ADAMTS9: variants seen among roughly 807,000 people sequenced by gnomAD.
The protein encoded by ADAMTS9 is ADAM metallopeptidase with thrombospondin type 1 motif 9.
Under a neutral mutation model 257.1 loss-of-function variants are expected in ADAMTS9, and 107 were observed. The observed-to-expected ratio is 0.42, with a 90% CI of 0.36 to 0.49. The LOEUF is 0.49. Ranked by LOEUF, ADAMTS9 falls within the 20% of genes least tolerant of loss-of-function variation. ADAMTS9 has a pLI of 0.03. For synonymous variants in ADAMTS9, 982 were observed against 880.9 expected, an observed-to-expected ratio of 1.11 and a Z score of -2.03; for missense variants, 2,353 against 2,469.1, an observed-to-expected ratio of 0.95 and a Z score of 1.00.
At position 64,596,919 on chromosome 3, in the gene ADAMTS9, T is replaced by C; in HGVS notation, c.4090A>G (p.Asn1364Asp). ...GGTTTTATTCTCTCCACACAGTCGT[T>C]TGCGGTGTATCCATTTTCATCCTGA... ...VCQDENGYTANDCVERIKPDE... is the reference protein window; with the variant it reads ...VCQDENGYTADDCVERIKPDE... The change falls in exon 27 of 40, where the codon AAC becomes GAC. Residue 1364 changes from asparagine to aspartate, a missense_variant. Transcript: ENST00000498707. 1 of 1,610,168 alleles carries C rather than the reference T, an allele frequency of 6.2e-7. No homozygotes were observed. Among genetic ancestry groups the C allele is most frequent in the Non-Finnish European group, 8.5e-7 (1 of 1,177,838 alleles).
intron 30 of ADAMTS9, chr3:64,561,361 T>A: frequency 2.0e-5 from 6 of 303,102 alleles, no homozygotes; most frequent in East Asian, 6.1e-5. Flanking sequence ...CTTGGAACAC[T>A]CAGGAATACA....
intron 31 of ADAMTS9, among the ~76,000 whole-genome samples, chr3:64,547,491 T>C (rs2083217014): frequency 6.6e-6 from 1 of 150,582 alleles, no homozygotes; most frequent in African/African-American, 2.4e-5. Context: ...TTCTTTCTCC[T>C]ATCTCTCTCC....
At chr3:64,653,099 C>T (rs1209702198) in intron 8 of ADAMTS9, among the ~76,000 whole-genome samples, 1 of 152,138 alleles carries the variant, frequency 6.6e-6, no homozygotes, top group Non-Finnish European at 1.5e-5. Flanking sequence ...CTTCTGGTCC[C>T]AAGCATTTGG....
chr3:64,600,442 C>T (rs2084439226), intron 26 of ADAMTS9, among the ~76,000 whole-genome samples: 1 of 152,202 alleles, frequency 6.6e-6, no homozygotes, highest in African/African-American at 2.4e-5. Context: ...ACCTAATCCT[C>T]CCTAATTGGG....
At position 64,596,908 on chromosome 3, in the gene ADAMTS9, C is replaced by T. The variant is rs745398299; in HGVS notation, c.4101G>A (p.Val1367=). 3 of 1,614,012 alleles carry T rather than the reference C, an allele frequency of 1.9e-6. No individual in the cohort carries two copies. The highest frequency in any genetic ancestry group is 2.5e-6 in the Non-Finnish European group (3 of 1,179,978). ...DENGYTANDC[V]ERIKPDEQRA... ...TTTGCTCATCAGGTTTTATTCTCTC[C>T]ACACAGTCGTTTGCGGTGTATCCAT... The change falls in exon 27 of 40, where the codon GTG becomes GTA. Residue 1367 remains valine, a synonymous_variant. Coordinates refer to ENST00000498707, the MANE Select transcript of ADAMTS9 (RefSeq NM_182920.2).
In ADAMTS9 at chr3:64,687,150, G is replaced by A. The variant is rs1328227972; in HGVS notation, c.116-182C>T. ...ACTATGTGCCAGTAACAGGACCTGT[G>A]CTAGGTGCTGAGGATACACTATTCC... On this transcript the variant is annotated intron_variant, in intron 1 of 39. Transcript: ENST00000498707. The surrounding 1 kb of genome is among the most constrained non-coding windows in gnomAD (Gnocchi z 4.4). Among the ~76,000 whole-genome samples the A allele has an allele frequency of 6.6e-6, 1 of 152,184 alleles. No homozygotes were observed. Among genetic ancestry groups the A allele is most frequent in the Non-Finnish European group, 1.5e-5 (1 of 68,042 alleles).
At chr3:64,618,262 C>G (rs571016648) in intron 19 of ADAMTS9, among the ~76,000 whole-genome samples, 1 of 152,134 alleles carries the variant, frequency 6.6e-6, no homozygotes, top group East Asian at 1.9e-4. Flanking sequence ...AATCCCTTTA[C>G]CTTTTCTTTA....
intron 39 of ADAMTS9, among the ~76,000 whole-genome samples, chr3:64,521,049 T>C (rs1010300742): frequency 6.6e-6 from 1 of 152,122 alleles, no homozygotes; most frequent in African/African-American, 2.4e-5. Context: ...CCTATACATT[T>C]GATAAAGGAA....
At chr3:64,583,030 T>C (rs2106751644) in intron 28 of ADAMTS9, 1 of 152,354 alleles carries the variant, frequency 6.6e-6, no homozygotes, top group East Asian at 1.9e-4. Flanking sequence ...AATCTCTATA[T>C]ATGAACTATC....
chr3:64,678,691 C>T (rs1376230568), intron 3 of ADAMTS9, among the ~76,000 whole-genome samples: 1 of 152,202 alleles, frequency 6.6e-6, no homozygotes, highest in Non-Finnish European at 1.5e-5. Flanking sequence ...ACTACTCCCA[C>T]CTCAACCTAC....
At chr3:64,650,132 T>G (rs1576160230) in intron 9 of ADAMTS9, 8 of 176,038 alleles carry the variant, frequency 4.5e-5, no homozygotes, top group Non-Finnish European at 6.0e-5. Flanking sequence ...CACAGGGCCC[T>G]GTCCATGACA....
At chr3:64,610,703 G>C (rs554463555) in intron 22 of ADAMTS9, among the ~76,000 whole-genome samples, 1 of 152,212 alleles carries the variant, frequency 6.6e-6, no homozygotes, top group South Asian at 2.1e-4. Context: ...AGGATGTGGA[G>C]AGAATGGAAC....
rs549246751 is a variant in ADAMTS9, at chr3:64,522,499, A to G, written c.5719-239T>C. ...GCTAAGGATGATTTTTATATTTTTA[A>G]ATAATTGAGAAAAAGTAAACCAAAA... On this transcript the variant is annotated intron_variant, in intron 38 of 39. Transcript: ENST00000498707. 11 of 352,902 alleles carry G rather than the reference A, an allele frequency of 3.1e-5. No individual in the cohort carries two copies. The South Asian group carries it at 8.3e-4, about 27-fold the overall frequency. 21.9% of individuals were successfully genotyped at this position (352,902 alleles called of 1,614,324 possible).
At chr3:64,643,209 A>G (rs2106926216) in intron 11 of ADAMTS9, among the ~76,000 whole-genome samples, 1 of 152,260 alleles carries the variant, frequency 6.6e-6, no homozygotes, top group South Asian at 2.1e-4. Flanking sequence ...TTGTCTTTAC[A>G]GTGGTTGTGA....
chr3:64,662,364 A>C (rs886571739), intron 3 of ADAMTS9, among the ~76,000 whole-genome samples: 7 of 152,114 alleles, frequency 4.6e-5, no homozygotes, highest in Non-Finnish European at 1.0e-4. Flanking sequence ...TGTTCACCTC[A>C]GAATACTCTG....
chr3:64,640,594 G>A (rs1700612753), intron 12 of ADAMTS9, among the ~76,000 whole-genome samples: 1 of 152,172 alleles, frequency 6.6e-6, no homozygotes, highest in African/African-American at 2.4e-5. Flanking sequence ...AGCAGCTGGG[G>A]TCTTAAAAAT....
intron 2 of ADAMTS9, among the ~76,000 whole-genome samples, chr3:64,684,488 G>A (rs1701843762): frequency 1.3e-5 from 2 of 152,174 alleles, no homozygotes; most frequent in South Asian, 4.1e-4. Flanking sequence ...ACATCTTGAT[G>A]CCACTGCTGC....
chr3:64,658,416 T>A, intron 4 of ADAMTS9, 86 bp downstream of exon 4: 1 of 1,367,792 alleles, frequency 7.3e-7, no homozygotes, highest in Non-Finnish European at 1.0e-6. Flanking sequence ...CAGTTCTGAA[T>A]GGTCCTCCAA....
chr3:64,660,586 A>G (rs1327151761), intron 3 of ADAMTS9, among the ~76,000 whole-genome samples: 4 of 152,202 alleles, frequency 2.6e-5, no homozygotes, highest in African/African-American at 9.7e-5. Flanking sequence ...GGGGCTGGAA[A>G]TCATCCTTTA....
Sources: allele counts gnomAD v4.1 joint callset (sites outside exome capture counted in the v4.1 genomes callset), GRCh38; gene constraint gnomAD v4.1.1; non-coding constraint Gnocchi (gnomAD v3.1); transcripts MANE v1.5; gene names NCBI Gene and HGNC (gene_info 2026-07-23, HGNC 2026-07-21).